Variants in KCNH5 observed in about 807,000 individuals in gnomAD.
The protein encoded by KCNH5 is voltage-gated delayed rectifier potassium channel KCNH5.
Under a neutral mutation model 96.1 loss-of-function variants are expected in KCNH5, and 46 were observed. That is an observed-to-expected ratio of 0.48 (90% confidence interval 0.38 to 0.61). The LOEUF is 0.61. Ranked by LOEUF, KCNH5 falls within the 20% of genes least tolerant of loss-of-function variation. The pLI is 0.00. For missense variants in KCNH5, 907 were observed against 1,225.8 expected, an observed-to-expected ratio of 0.74 and a Z score of 3.88; for synonymous variants, 439 against 449.8, an observed-to-expected ratio of 0.98 and a Z score of 0.30.
rs1156942153 is a variant in KCNH5, at chr14:62,707,950, T to C, written c.2525A>G (p.Glu842Gly). 6.2e-7 allele frequency: 1 copy of C among 1,614,200 alleles called. No homozygotes were observed. The highest frequency in any genetic ancestry group is 1.7e-5 in the Admixed American group (1 of 60,020). Residue 842 changes from glutamate (E) to glycine (G), a missense_variant, in exon 11 of 11, where the codon GAG becomes GGG. By Grantham distance (98) the Glu-to-Gly change is moderately conservative (BLOSUM62 -2). Around this residue, in one of 6 missense-constraint regions of KCNH5, gnomAD observed 362 missense variants for 394.4 expected, o/e 0.92. Coordinates refer to ENST00000322893, the MANE Select transcript of KCNH5 (RefSeq NM_139318.5). ...TKAESMGLLS[E>G]DPKSSDSENS... ...CTCTGAATCACTGCTCTTGGGGTCC[T>C]CAGACAATAGCCCCATTGACTCAGC... is the stretch of plus-strand genomic sequence containing the variant.
intron 6 of KCNH5, among the ~76,000 whole-genome samples, chr14:62,968,107 A>C (rs1022955238): frequency 2.0e-5 from 3 of 152,222 alleles, no homozygotes; most frequent in African/African-American, 4.8e-5. Flanking sequence ...AAGGAAGTCT[A>C]TCTTTAAAGC....
At chr14:62,999,288 G>T (rs953393593) in intron 4 of KCNH5, among the ~76,000 whole-genome samples, 4 of 152,190 alleles carry the variant, frequency 2.6e-5, no homozygotes, top group Non-Finnish European at 4.4e-5. Context: ...GATGGCCAAT[G>T]ATGATGAGCA....
intron 10 of KCNH5, among the ~76,000 whole-genome samples, chr14:62,745,810 G>A (rs534098749): frequency 5.3e-5 from 8 of 152,202 alleles, no homozygotes; most frequent in Admixed American, 1.3e-4. Flanking sequence ...AAAATATCAG[G>A]AGGACCACTT....
intron 10 of KCNH5, among the ~76,000 whole-genome samples, chr14:62,729,350 C>T (rs557400617): frequency 1.3e-5 from 2 of 152,150 alleles, no homozygotes; most frequent in African/African-American, 4.8e-5. Context: ...AGGTGCTATT[C>T]ATAATTATTC....
chr14:62,899,475 T>C (rs928919406), intron 7 of KCNH5, among the ~76,000 whole-genome samples: 1 of 152,172 alleles, frequency 6.6e-6, no homozygotes, highest in African/African-American at 2.4e-5. Flanking sequence ...GCTTGATTTA[T>C]TCATTCCATA....
intron 4 of KCNH5, among the ~76,000 whole-genome samples, chr14:62,995,043 G>A (rs1273926089): frequency 2.0e-5 from 3 of 152,040 alleles, no homozygotes; most frequent in African/African-American, 4.8e-5. Context: ...GAAGAGGTAC[G>A]TTCAAATTAG....
chr14:62,829,325 G>A (rs1887293156), intron 8 of KCNH5, among the ~76,000 whole-genome samples: 1 of 152,112 alleles, frequency 6.6e-6, no homozygotes, highest in African/African-American at 2.4e-5. Flanking sequence ...AAGTCCCTCT[G>A]GGGGCTCCAA....
At chr14:62,751,978 T>G (rs4902184) in intron 10 of KCNH5, among the ~76,000 whole-genome samples, 1 of 152,180 alleles carries the variant, frequency 6.6e-6, no homozygotes, top group Non-Finnish European at 1.5e-5. Flanking sequence ...GCCCTTGAAA[T>G]AAAGCTGGAT....
chr14:62,857,612 G>A (rs745522405), intron 7 of KCNH5, among the ~76,000 whole-genome samples: 1 of 152,164 alleles, frequency 6.6e-6, no homozygotes, highest in Non-Finnish European at 1.5e-5. Context: ...ATGGCAGGAA[G>A]CATCCATCAT....
chr14:62,945,247 C>T (rs1857974118), intron 7 of KCNH5, among the ~76,000 whole-genome samples: 3 of 152,034 alleles, frequency 2.0e-5, no homozygotes, highest in Non-Finnish European at 2.9e-5. Context: ...GAACTTATAT[C>T]GATAGGCCGA....
At chr14:62,936,093 T>C (rs959890959) in intron 7 of KCNH5, among the ~76,000 whole-genome samples, 1 of 152,142 alleles carries the variant, frequency 6.6e-6, no homozygotes, top group Admixed American at 6.5e-5. Context: ...TACTTCCGTA[T>C]GCATGAAAAA....
At chr14:63,042,721 C>A (rs1440617562) in intron 1 of KCNH5, among the ~76,000 whole-genome samples, 10 of 152,122 alleles carry the variant, frequency 6.6e-5, no homozygotes, top group Admixed American at 4.6e-4. Context: ...TTTTCTATTT[C>A]TCTGCCAAAT....
At chr14:62,814,553 C>G (rs1182647944) in intron 8 of KCNH5, among the ~76,000 whole-genome samples, 1 of 151,862 alleles carries the variant, frequency 6.6e-6, no homozygotes, top group Non-Finnish European at 1.5e-5. Flanking sequence ...TGTTCCCATC[C>G]TTAAAAGAAT....
chr14:62,847,273 T>C lies in KCNH5; in HGVS notation c.1569+2380A>G, dbSNP rs1309240167. Among the ~76,000 whole-genome samples, 65 of 151,710 alleles carry C rather than the reference T, an allele frequency of 4.3e-4. 1 individual carries two copies. The highest frequency in any genetic ancestry group is 4.2e-3 in the Admixed American group (64 of 15,242). The stretch of plus-strand genomic sequence containing the variant: ...AAACCAGAGAGCTGAATGACAGTTT[T>C]TGTTTTCCTCTTGTTTAGTATAGCA... On this transcript the variant is annotated intron_variant, in intron 8 of 10. Coordinates refer to ENST00000322893, the MANE Select transcript of KCNH5 (RefSeq NM_139318.5).
rs938601441 is a variant in KCNH5 at position 62,878,149 on chromosome 14, A to T, written c.1370-28297T>A. Among the ~76,000 whole-genome samples the T allele has an allele frequency of 4.7e-5, 7 of 149,366 alleles. No individual in the cohort carries two copies. The Admixed American group carries it at 4.7e-4, about 10-fold the overall frequency. ...TCATAGGTGGGAATTGAACAATGAG[A>T]ACACATGGACACAGGAAGGGGAACA... On this transcript the variant is annotated intron_variant, in intron 7 of 10. Coordinates refer to ENST00000322893, the MANE Select transcript of KCNH5 (RefSeq NM_139318.5).
rs961705 is a variant in KCNH5 at position 63,031,930 on chromosome 14, C to G, written c.73+13184G>C. On this transcript the variant is annotated intron_variant, in intron 1 of 10. Coordinates refer to ENST00000322893, the MANE Select transcript of KCNH5 (RefSeq NM_139318.5). ...TGGAACAGCTTTTTAGGGGGTTAAG[C>G]CTCTGGCTCCCTCTCCTTTTTACCT... 5.9e-5 allele frequency among the ~76,000 whole-genome samples: 9 copies of G among 151,994 alleles called. No individual in the cohort carries two copies. The East Asian group carries it at 1.7e-3, about 29-fold the overall frequency.
intron 7 of KCNH5, among the ~76,000 whole-genome samples, chr14:62,851,821 G>A (rs1025076560): frequency 1.3e-5 from 2 of 151,986 alleles, no homozygotes; most frequent in African/African-American, 2.4e-5. Flanking sequence ...AGATGCTTGC[G>A]ATATGCTACA....
chr14:62,993,615 C>T (rs968539383), intron 4 of KCNH5, among the ~76,000 whole-genome samples: 19 of 152,008 alleles, frequency 1.2e-4, no homozygotes, highest in African/African-American at 4.3e-4. Flanking sequence ...ATACCAATCC[C>T]TTTGTGTTCC....
intron 6 of KCNH5, among the ~76,000 whole-genome samples, chr14:62,956,070 G>A (rs889900137): frequency 3.3e-5 from 5 of 152,026 alleles, no homozygotes; most frequent in Non-Finnish European, 7.4e-5. Context: ...TGAGCATATC[G>A]TCCAAGGGCT....
Sources: allele counts gnomAD v4.1 joint callset (sites outside exome capture counted in the v4.1 genomes callset), GRCh38; gene constraint gnomAD v4.1.1; regional missense constraint gnomAD v4.1.1; transcripts MANE v1.5; gene names NCBI Gene and HGNC (gene_info 2026-07-23, HGNC 2026-07-21).